The following CTBP2 variants were observed in gnomAD, a reference collection of about 807,000 sequenced individuals.
CTBP2 encodes the protein C-terminal binding protein 2.
In CTBP2, 30 loss-of-function variants were observed where a neutral mutation model predicts 80.3. The ratio of observed to expected loss-of-function variants is 0.37; its 90% CI spans 0.28 to 0.51. The LOEUF (loss-of-function observed/expected upper bound fraction) is 0.51. Ranked by LOEUF, CTBP2 falls within the 20% of genes least tolerant of loss-of-function variation. The pLI is 0.93. For synonymous variants in CTBP2, 594 were observed against 587.4 expected, an observed-to-expected ratio of 1.01 and a Z score of -0.16; for missense variants, 1,212 against 1,375.3, an observed-to-expected ratio of 0.88 and a Z score of 1.88.
chr10:125,139,724 C>G (rs1260855348), intron 1 of CTBP2, among the ~76,000 whole-genome samples: 2 of 152,148 alleles, frequency 1.3e-5, no homozygotes, highest in Non-Finnish European at 2.9e-5. Flanking sequence ...ACTTCCCCAC[C>G]CAAAGTGTGG....
At chr10:125,079,069 C>A (rs1401160445) in intron 2 of CTBP2, among the ~76,000 whole-genome samples, 3 of 148,464 alleles carry the variant, frequency 2.0e-5, no homozygotes, top group Non-Finnish European at 4.4e-5. Flanking sequence ...ATTGCTTGAA[C>A]CCAGGAGGCA....
chr10:125,090,302 A>AAAAAAAAAAAAAG (rs1848579305), intron 2 of CTBP2, among the ~76,000 whole-genome samples: 2 of 149,788 alleles, frequency 1.3e-5, no homozygotes, highest in South Asian at 2.1e-4. Context: ...AAAAAAAAAA[A>AAAAAAAAAAAAAG]GGTTGGGGGG....
chr10:125,132,815 G>C (rs1856402381), intron 1 of CTBP2, among the ~76,000 whole-genome samples: 1 of 152,176 alleles, frequency 6.6e-6, no homozygotes, highest in African/African-American at 2.4e-5. Flanking sequence ...TCAACAACAA[G>C]AATCCGATTT....
intron 2 of CTBP2, among the ~76,000 whole-genome samples, chr10:125,060,755 A>T (rs906064702): frequency 6.6e-6 from 1 of 152,234 alleles, no homozygotes; most frequent in African/African-American, 2.4e-5. Flanking sequence ...GAAGTTTCTC[A>T]CAGTCGAGGA....
In CTBP2 at chr10:125,026,129, C is replaced by G. The variant is rs200256163; in HGVS notation, c.1631G>C (p.Arg544Pro). 129 of 1,594,042 alleles carry G rather than the reference C, an allele frequency of 8.1e-5. No homozygotes were observed. Among genetic ancestry groups the G allele is most frequent in the Middle Eastern group, 1.7e-4 (1 of 5,978 alleles). ...GGACACGATGATGGGTGCCCCTGTG[C>G]GCCGGGCCACCTTCTGGTACGGTGA... Residue 544 changes from arginine to proline, a missense_variant, in exon 1 of 9, where the codon CGC becomes CCC. Physicochemically the swap from Arg to Pro is moderately radical, Grantham distance 103. This residue lies in a region of CTBP2 where 848 missense variants were observed against 782.3 expected (regional missense o/e 1.08). Transcript: ENST00000309035.
intron 2 of CTBP2, among the ~76,000 whole-genome samples, chr10:125,083,835 C>T (rs926519261): frequency 1.3e-5 from 2 of 152,148 alleles, no homozygotes; most frequent in African/African-American, 4.8e-5. Flanking sequence ...AGCTGGAGTG[C>T]AGTGGTGCGA....
At chr10:125,049,187 G>C (rs541733012) in intron 2 of CTBP2, among the ~76,000 whole-genome samples, 1 of 152,242 alleles carries the variant, frequency 6.6e-6, no homozygotes, top group East Asian at 1.9e-4. Context: ...GTACCTGACA[G>C]TTTCTGGTTG....
At chr10:125,084,811 GA>G (rs1847736957) in intron 2 of CTBP2, among the ~76,000 whole-genome samples, 1 of 152,106 alleles carries the variant, frequency 6.6e-6, no homozygotes. Flanking sequence ...GACGCCTTGA[GA>G]TCCCCAAAAC....
At position 125,020,483 on chromosome 10, in the gene CTBP2, C is replaced by T. The variant is rs116125316; in HGVS notation, c.1678+5599G>A. ...CTGTAGACATGAGGAGGTCAGTCAA[C>T]GCGGGCCTTGTGGAGACAGACAGAA... On this transcript the variant is annotated intron_variant, in intron 1 of 8. Transcript: ENST00000309035. Among the ~76,000 whole-genome samples, 772 of 152,318 alleles carry T rather than the reference C, an allele frequency of 5.1e-3. 7 individuals carry two copies. Among genetic ancestry groups the T allele is most frequent in the African/African-American group, 0.018 (732 of 41,550 alleles).
At chr10:124,990,194 G>A (rs1196477458) in intron 8 of CTBP2, among the ~76,000 whole-genome samples, 8 of 152,074 alleles carry the variant, frequency 5.3e-5, no homozygotes, top group Middle Eastern at 3.4e-3. Context: ...ACAGGTGTGC[G>A]CTACCACACC....
intron 2 of CTBP2, among the ~76,000 whole-genome samples, chr10:125,054,926 A>G (rs965102998): frequency 3.9e-5 from 6 of 152,226 alleles, no homozygotes; most frequent in Non-Finnish European, 8.8e-5. Flanking sequence ...AGGAACGGAA[A>G]GTCTGCTGTT....
At chr10:124,991,361 C>T (rs1952589874) in intron 8 of CTBP2, among the ~76,000 whole-genome samples, 1 of 152,160 alleles carries the variant, frequency 6.6e-6, no homozygotes, top group Admixed American at 6.5e-5. Flanking sequence ...GGCCTAAGAG[C>T]CCCAGCTTAC....
chr10:125,145,462 G>A (rs1200035839), intron 1 of CTBP2, among the ~76,000 whole-genome samples: 4 of 152,150 alleles, frequency 2.6e-5, no homozygotes, highest in South Asian at 2.1e-4. Context: ...CCCAAGCTTC[G>A]TAGTATTAAA....
chr10:125,068,218 C>T (rs1844943124), intron 2 of CTBP2, among the ~76,000 whole-genome samples: 2 of 152,218 alleles, frequency 1.3e-5, no homozygotes, highest in Non-Finnish European at 2.9e-5. Context: ...CTGCGAAGGA[C>T]ACGTCCATTC....
chr10:125,069,912 G>T (rs1333984628), intron 2 of CTBP2, among the ~76,000 whole-genome samples: 1 of 76,628 alleles, frequency 1.3e-5, no homozygotes, highest in South Asian at 4.4e-4. Context: ...AACCCCAAAA[G>T]AAGTGAATAT....
At chr10:125,098,510 T>A (rs777356163) in intron 2 of CTBP2, among the ~76,000 whole-genome samples, 4 of 152,072 alleles carry the variant, frequency 2.6e-5, no homozygotes, top group Non-Finnish European at 5.9e-5. Flanking sequence ...GACCTGGGGA[T>A]GAGCGGGCCA....
At chr10:125,020,394 C>A (rs752531126) in intron 1 of CTBP2, among the ~76,000 whole-genome samples, 1 of 152,180 alleles carries the variant, frequency 6.6e-6, no homozygotes, top group Non-Finnish European at 1.5e-5. Context: ...AGCAGAGGGT[C>A]CGCTGGCCAA....
chr10:125,101,263 G>A (rs1295748954), intron 2 of CTBP2, among the ~76,000 whole-genome samples: 1 of 152,210 alleles, frequency 6.6e-6, no homozygotes. Context: ...TGTGGCTCTC[G>A]AGAGAAAGCC....
chr10:124,994,096 ATG>A (rs1014541366), intron 5 of CTBP2, 111 bp from the exon 8 acceptor site: 33 of 1,435,094 alleles, frequency 2.3e-5, no homozygotes, highest in African/African-American at 7.1e-5. Context: ...TGGTGGTTTA[ATG>A]TGTGTGCTGC....
Sources: allele counts gnomAD v4.1 joint callset (sites outside exome capture counted in the v4.1 genomes callset), GRCh38; gene constraint gnomAD v4.1.1; regional missense constraint gnomAD v4.1.1; transcripts MANE v1.5; gene names NCBI Gene and HGNC (gene_info 2026-07-23, HGNC 2026-07-21).